DCDC2: variants seen among roughly 807,000 people sequenced by gnomAD.
DCDC2 encodes the protein doublecortin domain containing 2.
Under a neutral mutation model 50.2 loss-of-function variants are expected in DCDC2, and 40 were observed. The observed-to-expected ratio is 0.80, with a 90% CI of 0.62 to 1.04. The LOEUF (loss-of-function observed/expected upper bound fraction) is 1.04, where lower values mean the gene tolerates loss of function less well. Ranked by LOEUF, DCDC2 falls within the 50% of genes least tolerant of loss-of-function variation. The pLI is 0.00. For synonymous variants in DCDC2, 234 were observed against 210.6 expected (o/e 1.11, Z -0.96); for missense variants, 570 against 581.9 (o/e 0.98, Z 0.21).
At chr6:24,307,609 A>G (rs1382551916) in intron 2 of DCDC2, among the ~76,000 whole-genome samples, 1 of 152,224 alleles carries the variant, frequency 6.6e-6, no homozygotes, top group African/African-American at 2.4e-5. Flanking sequence ...CCTTTACAAA[A>G]TAATGAATCA....
chr6:24,254,995 C>T (rs1044870080), intron 7 of DCDC2, among the ~76,000 whole-genome samples: 8 of 151,650 alleles, frequency 5.3e-5, no homozygotes, highest in African/African-American at 1.9e-4. Flanking sequence ...ATAAAAAGGA[C>T]CAGAATAAAG....
intron 7 of DCDC2, among the ~76,000 whole-genome samples, chr6:24,214,522 C>T (rs986390000): frequency 6.6e-6 from 1 of 152,102 alleles, no homozygotes; most frequent in African/African-American, 2.4e-5. Flanking sequence ...AATTATGATA[C>T]AATTTCTAAA....
At chr6:24,200,740 T>C (rs1761567756) in intron 8 of DCDC2, among the ~76,000 whole-genome samples, 1 of 151,882 alleles carries the variant, frequency 6.6e-6, no homozygotes, top group Non-Finnish European at 1.5e-5. Flanking sequence ...CGGTGTGCTG[T>C]ATTCAGGAGA....
the DCDC2 span, among the ~76,000 whole-genome samples, chr6:24,381,832 A>AAGGAAGGC: frequency 7.0e-6 from 1 of 143,814 alleles, no homozygotes; most frequent in Non-Finnish European, 1.5e-5. Context: ...GGAAGGAAGG[A>AAGGAAGGC]AGGAAGGAAG....
In DCDC2 at chr6:24,278,205, C is replaced by A; in HGVS notation, c.766G>T (p.Asp256Tyr). ...CCAACTGTTGACTTAGAGTGGCGAT[C>A]ATTTCCCTAAATGGCAAAGTATTAG... is the stretch of plus-strand genomic sequence containing the variant. ...GSRKSKGSGN[D>Y]RHSKSTVGSS... Residue 256 changes from aspartate (D) to tyrosine (Y), a missense_variant, in exon 7 of 10, where the codon GAT (aspartate) becomes TAT (tyrosine). Physicochemically the swap from Asp to Tyr is radical, Grantham distance 160. Transcript: ENST00000378454. The A allele has an allele frequency of 6.2e-7, 1 of 1,606,756 alleles. No homozygotes were observed. Among genetic ancestry groups the A allele is most frequent in the Non-Finnish European group, 8.5e-7 (1 of 1,178,054 alleles).
At chr6:24,222,703 A>G (rs1269411621) in intron 7 of DCDC2, among the ~76,000 whole-genome samples, 1 of 152,248 alleles carries the variant, frequency 6.6e-6, no homozygotes, top group Non-Finnish European at 1.5e-5. Context: ...AAGCTTATGT[A>G]TATTATTTCT....
At chr6:24,279,948 CAG>C (rs1364406393) in intron 6 of DCDC2, among the ~76,000 whole-genome samples, 2 of 152,200 alleles carry the variant, frequency 1.3e-5, no homozygotes, top group Non-Finnish European at 2.9e-5. Context: ...TCTTCAAGAG[CAG>C]AGAGTTAATA....
intron 4 of DCDC2, among the ~76,000 whole-genome samples, chr6:24,294,100 A>G: frequency 6.6e-6 from 1 of 152,202 alleles, no homozygotes; most frequent in Non-Finnish European, 1.5e-5. Flanking sequence ...TCTTATGCCT[A>G]TAATCCCAGC....
At chr6:24,247,876 A>G (rs1762713148) in intron 7 of DCDC2, among the ~76,000 whole-genome samples, 2 of 152,150 alleles carry the variant, frequency 1.3e-5, no homozygotes, top group South Asian at 4.1e-4. Context: ...GGAGTTCAAG[A>G]TCAGCCTGGC....
intron 8 of DCDC2, among the ~76,000 whole-genome samples, chr6:24,188,949 G>A (rs1310025153): frequency 1.3e-5 from 2 of 151,874 alleles, no homozygotes; most frequent in African/African-American, 2.4e-5. Flanking sequence ...AAAAATATAT[G>A]TACGATTACA....
chr6:24,220,310 T>C (rs1296884126), intron 7 of DCDC2, among the ~76,000 whole-genome samples: 2 of 152,186 alleles, frequency 1.3e-5, no homozygotes, highest in African/African-American at 2.4e-5. Context: ...ACAATAAAAA[T>C]AGTAAAATTA....
chr6:24,195,718 C>T (rs1295921649), intron 8 of DCDC2, among the ~76,000 whole-genome samples: 1 of 152,176 alleles, frequency 6.6e-6, no homozygotes, highest in Non-Finnish European at 1.5e-5. Context: ...CAGAAATCAC[C>T]ATATATCCCT....
intron 7 of DCDC2, among the ~76,000 whole-genome samples, chr6:24,244,518 G>C (rs112505559): frequency 6.6e-6 from 1 of 152,136 alleles, no homozygotes; most frequent in Non-Finnish European, 1.5e-5. Context: ...TAAATGTCAC[G>C]GTGTTCAGTG....
At chr6:24,247,596 CCATT>C (rs1762706959) in intron 7 of DCDC2, among the ~76,000 whole-genome samples, 1 of 152,128 alleles carries the variant, frequency 6.6e-6, no homozygotes. Flanking sequence ...GAATAAAACA[CCATT>C]CAGTCACTCA....
At chr6:24,330,379 C>T (rs1456702925) in intron 2 of DCDC2, among the ~76,000 whole-genome samples, 1 of 152,176 alleles carries the variant, frequency 6.6e-6, no homozygotes, top group Non-Finnish European at 1.5e-5. Flanking sequence ...TTTCAATCTT[C>T]ACACCGTGGG....
intron 2 of DCDC2, among the ~76,000 whole-genome samples, chr6:24,320,538 G>C (rs148376092): frequency 6.6e-6 from 1 of 152,056 alleles, no homozygotes; most frequent in East Asian, 1.9e-4. Flanking sequence ...CACCATGTTG[G>C]CCAGGCTGGC....
chr6:24,245,998 T>G (rs1415476468), intron 7 of DCDC2, among the ~76,000 whole-genome samples: 2 of 152,156 alleles, frequency 1.3e-5, no homozygotes, highest in Non-Finnish European at 2.9e-5. Context: ...TTATTTATTT[T>G]TATTTTTATT....
intron 7 of DCDC2, among the ~76,000 whole-genome samples, chr6:24,207,606 G>T (rs1427039341): frequency 6.6e-6 from 1 of 152,076 alleles, no homozygotes; most frequent in Non-Finnish European, 1.5e-5. Flanking sequence ...TGTATCCCAT[G>T]GAGACCATCA....
At chr6:24,370,863 G>T in the DCDC2 span, among the ~76,000 whole-genome samples, 1 of 152,112 alleles carries the variant, frequency 6.6e-6, no homozygotes, top group Admixed American at 6.5e-5. Context: ...ATCAATTGAT[G>T]AATGGTTAGA....
Sources: gnomAD v4.1 joint callset for allele counts (sites outside exome capture counted in the v4.1 genomes callset) on GRCh38, gnomAD v4.1.1 for gene constraint, MANE v1.5 for transcripts, NCBI Gene and HGNC (gene_info 2026-07-23, HGNC 2026-07-21) for gene names.